The following TAFA1 variants were observed in gnomAD, a reference collection of about 807,000 sequenced individuals.
TAFA1 encodes TAFA chemokine like family member 1.
Under a neutral mutation model 18.5 loss-of-function variants are expected in TAFA1, and 4 were observed. That is an observed-to-expected ratio of 0.22 (90% CI 0.11 to 0.49). The LOEUF is 0.49. Ranked by LOEUF, TAFA1 falls within the 20% of genes least tolerant of loss-of-function variation. The pLI is 0.98. For synonymous variants in TAFA1, 56 were observed against 55.2 expected (o/e 1.01, Z -0.06); for missense variants, 147 against 169.0 (o/e 0.87, Z 0.72).
At chr3:68,311,644 G>T (rs971629936) in intron 2 of TAFA1, among the ~76,000 whole-genome samples, 1 of 152,234 alleles carries the variant, frequency 6.6e-6, no homozygotes, top group South Asian at 2.1e-4. Flanking sequence ...GATGCAAGAG[G>T]TGGGTTCCCA....
intron 3 of TAFA1, among the ~76,000 whole-genome samples, chr3:68,423,585 T>C (rs868348257): frequency 1.3e-5 from 2 of 152,120 alleles, no homozygotes; most frequent in African/African-American, 2.4e-5. Flanking sequence ...CCCTTTTTTT[T>C]CTACATCATA....
At chr3:68,199,246 T>C (rs2066446487) in intron 2 of TAFA1, among the ~76,000 whole-genome samples, 1 of 151,656 alleles carries the variant, frequency 6.6e-6, no homozygotes, top group Admixed American at 6.6e-5. Context: ...AATACCACAC[T>C]GTCTTGGTTA....
intron 2 of TAFA1, among the ~76,000 whole-genome samples, chr3:68,282,330 C>T (rs960696188): frequency 2.6e-5 from 4 of 152,096 alleles, no homozygotes; most frequent in African/African-American, 4.8e-5. Context: ...TGCACACTTA[C>T]GACGGATCAG....
chr3:68,391,345 C>G (rs779195343), intron 2 of TAFA1, among the ~76,000 whole-genome samples: 31 of 151,964 alleles, frequency 2.0e-4, no homozygotes, highest in Non-Finnish European at 4.4e-4. Context: ...ACAAAGCCTC[C>G]AAGAAACATG....
intron 2 of TAFA1, among the ~76,000 whole-genome samples, chr3:68,383,398 A>G (rs1397609189): frequency 2.0e-5 from 3 of 152,056 alleles, no homozygotes; most frequent in Admixed American, 6.6e-5. Context: ...ACATGAAGCA[A>G]TGTTGAATTT....
chr3:68,175,001 G>T lies in TAFA1; in HGVS notation c.118+168257G>T, dbSNP rs539782263. Among the ~76,000 whole-genome samples, 15 of 152,322 alleles carry T rather than the reference G, an allele frequency of 9.8e-5. 1 individual carries two copies. Among genetic ancestry groups the T allele is most frequent in the African/African-American group, 3.1e-4 (13 of 41,566 alleles). ...AGCTGCTCCAGCCATGGCTGAAAGG[G>T]GCCAATGAAGAGCTCAGGTCATGGC... On this transcript the variant is annotated intron_variant, in intron 2 of 4. Coordinates refer to ENST00000478136, the MANE Select transcript of TAFA1 (RefSeq NM_213609.4).
rs999962178 is a variant in TAFA1 at position 68,166,362 on chromosome 3, A to G, written c.118+159618A>G. On this transcript the variant is annotated intron_variant, in intron 2 of 4. Transcript: ENST00000478136. Reference sequence around the variant, plus strand: ...CTATTAGTGCTTTCTTTTTCCTCTCACTTGTCAGGCAGTCTATCATGCAAT... The same window carrying G: ...CTATTAGTGCTTTCTTTTTCCTCTCGCTTGTCAGGCAGTCTATCATGCAAT... Among the ~76,000 whole-genome samples the G allele has an allele frequency of 5.9e-5, 9 of 151,892 alleles. No homozygotes were observed. The East Asian group carries it at 1.5e-3, about 26-fold the overall frequency.
intron 2 of TAFA1, among the ~76,000 whole-genome samples, chr3:68,373,894 C>G (rs145236700): frequency 1.3e-5 from 2 of 152,146 alleles, no homozygotes; most frequent in African/African-American, 4.8e-5. Context: ...CAAAAGTAAA[C>G]GCATTCTGCA....
At chr3:68,078,948 T>A (rs559187968) in intron 2 of TAFA1, among the ~76,000 whole-genome samples, 11 of 152,198 alleles carry the variant, frequency 7.2e-5, no homozygotes, top group African/African-American at 2.4e-4. Context: ...TCCTGTACTC[T>A]TTTTGGCTGG....
At chr3:68,115,744 A>G (rs540831729) in intron 2 of TAFA1, among the ~76,000 whole-genome samples, 1 of 152,160 alleles carries the variant, frequency 6.6e-6, no homozygotes, top group South Asian at 2.1e-4. Flanking sequence ...TTATTGGTTT[A>G]TTCCCATGTG....
chr3:68,475,789 G>C (rs1333362238), intron 3 of TAFA1, among the ~76,000 whole-genome samples: 1 of 151,572 alleles, frequency 6.6e-6, no homozygotes, highest in Non-Finnish European at 1.5e-5. Flanking sequence ...GTGTAAAAGT[G>C]TTCCTATTTC....
chr3:68,458,197 C>G (rs2071701676), intron 3 of TAFA1, among the ~76,000 whole-genome samples: 1 of 152,204 alleles, frequency 6.6e-6, no homozygotes, highest in African/African-American at 2.4e-5. Context: ...CCTCCCCCTT[C>G]TCTCTATATT....
At chr3:68,418,693 C>G (rs1048292965) in intron 3 of TAFA1, among the ~76,000 whole-genome samples, 3 of 152,118 alleles carry the variant, frequency 2.0e-5, no homozygotes, top group African/African-American at 7.2e-5. Flanking sequence ...TTAATGAGCA[C>G]TTACTGTATT....
At chr3:68,042,160 A>C (rs1444862383) in intron 2 of TAFA1, among the ~76,000 whole-genome samples, 2 of 151,940 alleles carry the variant, frequency 1.3e-5, no homozygotes, top group Non-Finnish European at 2.9e-5. Context: ...GTTTTTTCCT[A>C]CCCTAATTTG....
chr3:68,521,810 T>C (rs138759074), intron 3 of TAFA1, among the ~76,000 whole-genome samples: 3 of 146,980 alleles, frequency 2.0e-5, no homozygotes, highest in Non-Finnish European at 3.0e-5. Flanking sequence ...GCTTATGTTG[T>C]GACAGAAACA....
chr3:68,376,943 C>T (rs1429212671), intron 2 of TAFA1, among the ~76,000 whole-genome samples: 1 of 152,070 alleles, frequency 6.6e-6, no homozygotes, highest in Non-Finnish European at 1.5e-5. Context: ...TTGACAATTC[C>T]TCCTTCACAT....
At chr3:68,448,260 A>G (rs2071505843) in intron 3 of TAFA1, among the ~76,000 whole-genome samples, 1 of 152,228 alleles carries the variant, frequency 6.6e-6, no homozygotes, top group Admixed American at 6.5e-5. Flanking sequence ...GCATAAAGCA[A>G]AAATATAAGG....
At chr3:68,455,549 C>T (rs758500341) in intron 3 of TAFA1, among the ~76,000 whole-genome samples, 4 of 152,048 alleles carry the variant, frequency 2.6e-5, no homozygotes, top group Admixed American at 6.6e-5. Context: ...CATCAGGTTT[C>T]GATGCATTCA....
At chr3:68,331,861 T>TG in intron 2 of TAFA1, among the ~76,000 whole-genome samples, 1 of 128,078 alleles carries the variant, frequency 7.8e-6, no homozygotes, top group South Asian at 2.9e-4. Context: ...CTTTTCTTTT[T>TG]TTTTTTTTTT....
Sources: gnomAD v4.1 joint callset for allele counts (sites outside exome capture counted in the v4.1 genomes callset) on GRCh38, gnomAD v4.1.1 for gene constraint, MANE v1.5 for transcripts, NCBI Gene and HGNC (gene_info 2026-07-23, HGNC 2026-07-21) for gene names.